The following CALD1 variants were observed in gnomAD, a reference collection of about 807,000 sequenced individuals.
The protein encoded by CALD1 is caldesmon.
In CALD1, 33 loss-of-function variants were observed where a neutral mutation model predicts 99.9. The observed-to-expected ratio is 0.33, with a 90% confidence interval of 0.25 to 0.44. The LOEUF is 0.44. Among genes scored for constraint, CALD1 ranks in the 20% least tolerant of loss-of-function variants. The probability of loss-of-function intolerance (pLI) is 1.00; values close to 1 mark genes in which losing one functional copy is unlikely to be tolerated. For missense variants in CALD1, 861 were observed against 962.1 expected, an observed-to-expected ratio of 0.89 and a Z score of 1.39; for synonymous variants, 310 against 325.0, an observed-to-expected ratio of 0.95 and a Z score of 0.50.
intron 4 of CALD1, among the ~76,000 whole-genome samples, chr7:134,929,178 GTTTAA>G (rs1383457128): frequency 1.3e-5 from 2 of 152,064 alleles, no homozygotes; most frequent in South Asian, 2.1e-4. Flanking sequence ...TCTAGCATTT[GTTTAA>G]TTTAATAAGT....
intron 2 of CALD1, among the ~76,000 whole-genome samples, chr7:134,856,912 T>G (rs1178115166): frequency 2.6e-5 from 4 of 152,236 alleles, no homozygotes; most frequent in African/African-American, 9.6e-5. Flanking sequence ...CTGGCATCTG[T>G]TCCAACTCAA....
rs1801443946 is a variant in CALD1, at chr7:134,878,339, C to T, written c.71+10535C>T. 2.6e-5 allele frequency among the ~76,000 whole-genome samples: 4 copies of T among 151,968 alleles called. No individual in the cohort carries two copies. The South Asian group carries it at 6.2e-4, about 24-fold the overall frequency. On this transcript the variant is annotated intron_variant, in intron 3 of 14. Coordinates refer to ENST00000361675, the MANE Select transcript of CALD1 (RefSeq NM_033138.4). ...ATGTCAGCACTTTGGGAGGCTGAGG[C>T]GGGCAAATCACTTGAAGTCAGGAGT...
At chr7:134,880,384 G>A (rs924742150) in intron 3 of CALD1, among the ~76,000 whole-genome samples, 1 of 152,148 alleles carries the variant, frequency 6.6e-6, no homozygotes, top group African/African-American at 2.4e-5. Context: ...TTCTGGAGGT[G>A]GGGGGAGACT....
chr7:134,890,409 C>T (rs927050258), intron 3 of CALD1, among the ~76,000 whole-genome samples: 11 of 152,094 alleles, frequency 7.2e-5, no homozygotes, highest in Non-Finnish European at 1.2e-4. Flanking sequence ...GACATGAAGC[C>T]GCAGATCTCA....
In CALD1 at chr7:134,959,978, C is replaced by T. The variant is rs375174452; in HGVS notation, c.2066C>T (p.Thr689Ile). The change falls in exon 12 of 15, where the codon ACA (threonine) becomes ATA (isoleucine). Residue 689 changes from threonine (T) to isoleucine (I), a missense_variant. Physicochemically the swap from Thr to Ile is moderately conservative, Grantham distance 89 (BLOSUM62 -1). Around this residue, in one of 5 missense-constraint regions of CALD1, gnomAD observed 190 missense variants for 249.0 expected, o/e 0.76. Transcript: ENST00000361675. ...LEQYTSAIEGTKSAKPTKPAA... is the reference protein window; with the variant it reads ...LEQYTSAIEGIKSAKPTKPAA... Reference sequence around the variant, plus strand: ...AAAATAACTCACAAATTTCAGGGAACAAAAAGCGCAAAACCTACAAAGCCG... The same window carrying T: ...AAAATAACTCACAAATTTCAGGGAATAAAAAGCGCAAAACCTACAAAGCCG... The T allele has an allele frequency of 6.2e-7, 1 of 1,613,006 alleles. No individual in the cohort carries two copies. The highest frequency in any genetic ancestry group is 8.5e-7 in the Non-Finnish European group (1 of 1,179,642).
chr7:134,886,347 G>A (rs1801850514), intron 3 of CALD1, among the ~76,000 whole-genome samples: 1 of 152,150 alleles, frequency 6.6e-6, no homozygotes, highest in South Asian at 2.1e-4. Flanking sequence ...GAAGCAAAAG[G>A]AGTAAGAGTG....
chr7:134,760,741 G>A (rs1398888373), intron 1 of CALD1, among the ~76,000 whole-genome samples: 1 of 152,150 alleles, frequency 6.6e-6, no homozygotes, highest in Middle Eastern at 3.2e-3. Context: ...AAATAGAATA[G>A]GATGGTCGCC....
intron 1 of CALD1, among the ~76,000 whole-genome samples, chr7:134,754,480 C>T (rs911394478): frequency 2.0e-5 from 3 of 152,090 alleles, no homozygotes; most frequent in African/African-American, 7.2e-5. Context: ...TAATTTTCAA[C>T]CAAATATGAA....
At chr7:134,791,094 T>G (rs892658675) in intron 1 of CALD1, among the ~76,000 whole-genome samples, 1 of 147,006 alleles carries the variant, frequency 6.8e-6, no homozygotes, top group Non-Finnish European at 1.5e-5. Context: ...GAAATACTAC[T>G]TATTAAGAAG....
rs188590733 is a variant in CALD1 at position 134,750,182 on chromosome 7, A to G, written c.-130+5819A>G. 2.2e-4 allele frequency among the ~76,000 whole-genome samples: 34 copies of G among 152,250 alleles called. No homozygotes were observed. In the East Asian group the frequency reaches 6.0e-3, roughly 27 times the overall value. On this transcript the variant is annotated intron_variant, in intron 1 of 13. Coordinates refer to the CALD1 transcript ENST00000417172. Reference sequence around the variant, plus strand: ...GTTGCTGCTTCAGGAAGGCACTGCCATTGCTGGGGTGACCTGAAGACCTGT... The same window carrying G: ...GTTGCTGCTTCAGGAAGGCACTGCCGTTGCTGGGGTGACCTGAAGACCTGT...
At chr7:134,958,838 G>GT (rs1177827839) in intron 11 of CALD1, among the ~76,000 whole-genome samples, 1 of 143,428 alleles carries the variant, frequency 7.0e-6, no homozygotes, top group African/African-American at 2.6e-5. Flanking sequence ...TAATGAAAAG[G>GT]TTTTTTTGTA....
the CALD1 span, among the ~76,000 whole-genome samples, chr7:134,715,310 G>A: frequency 6.6e-6 from 1 of 152,202 alleles, no homozygotes; most frequent in East Asian, 1.9e-4. Context: ...TTTCGCTCTT[G>A]TGTATATATT....
chr7:134,965,322 A>G lies in CALD1; in HGVS notation c.2312A>G (p.Asp771Gly). The G allele has an allele frequency of 6.3e-7, 1 of 1,580,122 alleles. No individual in the cohort carries two copies. Reference protein sequence around the residue: ...APKPSDLRPGDVSSKRNLWEK... With the variant: ...APKPSDLRPGGVSSKRNLWEK... ...TTTTATCAGGACTTGAGACCAGGAG[A>G]CGTATCCAGCAAGCGGAACCTCTGG... Residue 771 changes from aspartate (D) to glycine (G), a missense_variant, in exon 14 of 15, where the codon GAC becomes GGC. Transcript: ENST00000361675.
At chr7:134,890,468 G>A (rs752194937) in intron 3 of CALD1, among the ~76,000 whole-genome samples, 2 of 152,172 alleles carry the variant, frequency 1.3e-5, no homozygotes, top group African/African-American at 2.4e-5. Flanking sequence ...GAAGTTGACT[G>A]CTTCTCCTGC....
chr7:134,930,562 C>T (rs1480392582), intron 4 of CALD1, among the ~76,000 whole-genome samples: 1 of 152,038 alleles, frequency 6.6e-6, no homozygotes, highest in Non-Finnish European at 1.5e-5. Context: ...AAATGTTGGC[C>T]GGTAGCACAA....
At chr7:134,725,386 T>C in the CALD1 span, among the ~76,000 whole-genome samples, 1 of 152,306 alleles carries the variant, frequency 6.6e-6, no homozygotes, top group East Asian at 1.9e-4. Context: ...AAACGAAGTG[T>C]CACTTTGTCT....
chr7:134,814,107 G>T (rs1222447909), intron 1 of CALD1, among the ~76,000 whole-genome samples: 1 of 152,192 alleles, frequency 6.6e-6, no homozygotes, highest in Non-Finnish European at 1.5e-5. Context: ...ACTGCAACAA[G>T]GAGGGGTAGA....
intron 1 of CALD1, among the ~76,000 whole-genome samples, chr7:134,772,776 T>C (rs1562992994): frequency 6.6e-6 from 1 of 152,252 alleles, no homozygotes; most frequent in African/African-American, 2.4e-5. Flanking sequence ...CAAGAATACA[T>C]TGAATAATCT....
chr7:134,864,210 G>A (rs944852062), intron 2 of CALD1, among the ~76,000 whole-genome samples: 2 of 152,070 alleles, frequency 1.3e-5, no homozygotes, highest in African/African-American at 4.8e-5. Context: ...AGCCGGGTGT[G>A]GCGGTATACA....
Sources: gnomAD v4.1 joint callset for allele counts (sites outside exome capture counted in the v4.1 genomes callset) on GRCh38, gnomAD v4.1.1 for gene constraint, gnomAD v4.1.1 regional missense constraint, MANE v1.5 for transcripts, NCBI Gene and HGNC (gene_info 2026-07-23, HGNC 2026-07-21) for gene names.